The following CNTNAP2 variants were observed in gnomAD, a reference collection of about 807,000 sequenced individuals.
The protein encoded by CNTNAP2 is contactin-associated protein-like 2.
A neutral mutation model predicts 155.2 loss-of-function variants in CNTNAP2; 98 were observed. The ratio of observed to expected loss-of-function variants is 0.63; its 90% confidence interval spans 0.54 to 0.75. The LOEUF (loss-of-function observed/expected upper bound fraction) is 0.75, where lower values mean the gene tolerates loss of function less well. Among genes scored for constraint, CNTNAP2 ranks in the 30% least tolerant of loss-of-function variants. The pLI, the probability that CNTNAP2 is intolerant of heterozygous loss-of-function variation, is 0.00. For missense variants in CNTNAP2, 1,727 were observed against 1,688.1 expected (o/e 1.02, Z -0.40); for synonymous variants, 651 against 631.2 (o/e 1.03, Z -0.47).
At chr7:146,889,881 C>T (rs974008575) in intron 3 of CNTNAP2, among the ~76,000 whole-genome samples, 2 of 151,944 alleles carry the variant, frequency 1.3e-5, no homozygotes, top group Non-Finnish European at 2.9e-5. Context: ...TTTCTCACTC[C>T]GATTCTAATT....
intron 11 of CNTNAP2, among the ~76,000 whole-genome samples, chr7:147,490,352 G>A (rs1175667932): frequency 3.3e-5 from 5 of 152,032 alleles, no homozygotes; most frequent in African/African-American, 7.3e-5. Context: ...AAATGTAAAC[G>A]GTAACAATTG....
chr7:147,243,444 A>G (rs529214588), intron 8 of CNTNAP2, among the ~76,000 whole-genome samples: 28 of 152,204 alleles, frequency 1.8e-4, no homozygotes, highest in Middle Eastern at 6.8e-3. Context: ...CATCATTCCC[A>G]ATTCACATGA....
At position 146,745,595 on chromosome 7, in the gene CNTNAP2, C is replaced by T. The variant is rs191587397; in HGVS notation, c.98-28676C>T. 1.1e-4 allele frequency among the ~76,000 whole-genome samples: 17 copies of T among 151,936 alleles called. No homozygotes were observed. The East Asian group carries it at 1.8e-3, about 16-fold the overall frequency. On this transcript the variant is annotated intron_variant, in intron 1 of 23. Coordinates refer to ENST00000361727, the MANE Select transcript of CNTNAP2 (RefSeq NM_014141.6). ...CATCCTGGCCAACATGATGAAACCC[C>T]GTCTCTACTAAAAATGCAAAAATTA...
At chr7:148,410,383 AAC>A (rs1799806823) in intron 23 of CNTNAP2, among the ~76,000 whole-genome samples, 1 of 152,084 alleles carries the variant, frequency 6.6e-6, no homozygotes, top group South Asian at 2.1e-4. Context: ...CAGCCTGGCC[AAC>A]ATGGTGAAAC....
intron 17 of CNTNAP2, among the ~76,000 whole-genome samples, chr7:148,165,894 A>G (rs1805647455): frequency 6.6e-6 from 1 of 152,166 alleles, no homozygotes; most frequent in East Asian, 1.9e-4. Context: ...TGAACTGATC[A>G]TGCAACAGCT....
chr7:146,173,856 C>T (rs1480187593), intron 1 of CNTNAP2, among the ~76,000 whole-genome samples: 1 of 152,134 alleles, frequency 6.6e-6, no homozygotes, highest in Admixed American at 6.5e-5. Context: ...AAAGTGTGCT[C>T]AAGCAGTAGC....
intron 8 of CNTNAP2, among the ~76,000 whole-genome samples, chr7:147,212,730 C>A (rs1750786348): frequency 6.6e-6 from 1 of 152,042 alleles, no homozygotes; most frequent in Admixed American, 6.6e-5. Context: ...TCCCCTGAAT[C>A]TAAAATTAAA....
In CNTNAP2 at chr7:147,879,099, A is replaced by G. The variant is rs535241141; in HGVS notation, c.2099-24466A>G. 1.9e-3 allele frequency among the ~76,000 whole-genome samples: 294 copies of G among 152,302 alleles called. 3 individuals carry two copies. In the South Asian group the frequency reaches 0.029, roughly 15 times the overall value. ...TTGCAATCCTTACAAATTCACCCTTATACAATGTATGGTACATTTCTGAAC... is the reference window on the plus strand; with the variant it reads ...TTGCAATCCTTACAAATTCACCCTTGTACAATGTATGGTACATTTCTGAAC... On this transcript the variant is annotated intron_variant, in intron 13 of 23. Coordinates refer to ENST00000361727, the MANE Select transcript of CNTNAP2 (RefSeq NM_014141.6).
chr7:148,187,991 G>A (rs1032401425), intron 18 of CNTNAP2, among the ~76,000 whole-genome samples: 6 of 151,554 alleles, frequency 4.0e-5, no homozygotes, highest in Non-Finnish European at 7.4e-5. Context: ...GCATACATGC[G>A]TGCACACACA....
intron 3 of CNTNAP2, among the ~76,000 whole-genome samples, chr7:146,931,650 TG>T: frequency 6.6e-6 from 1 of 150,746 alleles, no homozygotes; most frequent in Non-Finnish European, 1.5e-5. Context: ...ATCCAGGAAC[TG>T]GTTTTTTGAA....
chr7:146,143,266 G>A (rs1370162569), intron 1 of CNTNAP2, among the ~76,000 whole-genome samples: 1 of 152,118 alleles, frequency 6.6e-6, no homozygotes, highest in Non-Finnish European at 1.5e-5. Flanking sequence ...CAGTTTAAAA[G>A]TCTTTGAAAA....
At chr7:146,681,198 G>T (rs1367093836) in intron 1 of CNTNAP2, among the ~76,000 whole-genome samples, 1 of 150,986 alleles carries the variant, frequency 6.6e-6, no homozygotes, top group African/African-American at 2.4e-5. Context: ...AATCAAACAG[G>T]GTGCAACAAG....
rs1015510336 is a variant in CNTNAP2 at position 146,524,378 on chromosome 7, AT to A, written c.98-249884del. Among the ~76,000 whole-genome samples the A allele has an allele frequency of 2.7e-3, 413 of 150,800 alleles. 3 individuals carry two copies. The highest frequency in any genetic ancestry group is 9.3e-3 in the African/African-American group (384 of 41,074). ...GTAGAAATCATAATGACCATATTTC[AT>A]TTTTTTTTCTATGTCTGTGCCCTTG... is the stretch of plus-strand genomic sequence containing the variant. On this transcript the variant is annotated intron_variant, in intron 1 of 23. Transcript: ENST00000361727.
At chr7:146,249,897 AAAAG>A (rs980835302) in intron 1 of CNTNAP2, among the ~76,000 whole-genome samples, 4 of 152,074 alleles carry the variant, frequency 2.6e-5, no homozygotes, top group Non-Finnish European at 5.9e-5. Context: ...AAAAAAGAAA[AAAAG>A]AAATTTAAAT....
At chr7:147,735,563 T>A (rs1327009972) in intron 13 of CNTNAP2, among the ~76,000 whole-genome samples, 1 of 150,690 alleles carries the variant, frequency 6.6e-6, no homozygotes, top group African/African-American at 2.4e-5. Context: ...CCGAGTTCAA[T>A]TCCTGGATAT....
At chr7:146,967,899 G>A (rs1797690863) in intron 3 of CNTNAP2, among the ~76,000 whole-genome samples, 1 of 151,850 alleles carries the variant, frequency 6.6e-6, no homozygotes, top group African/African-American at 2.4e-5. Context: ...GTTTTCAAAG[G>A]GAGTGCTTCC....
At chr7:147,677,242 CT>C (rs1435437282) in intron 13 of CNTNAP2, among the ~76,000 whole-genome samples, 1 of 151,750 alleles carries the variant, frequency 6.6e-6, no homozygotes, top group Non-Finnish European at 1.5e-5. Flanking sequence ...TTTAATTTGT[CT>C]TTCCCTAATG....
intron 4 of CNTNAP2, among the ~76,000 whole-genome samples, chr7:147,098,672 T>C (rs1584841565): frequency 6.6e-6 from 1 of 152,216 alleles, no homozygotes; most frequent in Non-Finnish European, 1.5e-5. Flanking sequence ...TTCTAAGATA[T>C]GGTAAAATAA....
chr7:147,733,514 T>C (rs1172498129), intron 13 of CNTNAP2, among the ~76,000 whole-genome samples: 4 of 152,200 alleles, frequency 2.6e-5, no homozygotes, highest in Admixed American at 2.6e-4. Context: ...CTCTTTTTGG[T>C]TCCATATGAA....
Sources: allele counts gnomAD v4.1 joint callset (sites outside exome capture counted in the v4.1 genomes callset), GRCh38; gene constraint gnomAD v4.1.1; transcripts MANE v1.5; gene names NCBI Gene and HGNC (gene_info 2026-07-23, HGNC 2026-07-21).